PPP1R15B: variants seen among roughly 807,000 people sequenced by gnomAD.
The protein encoded by PPP1R15B is protein phosphatase 1 regulatory subunit 15B.
A neutral mutation model predicts 53.9 loss-of-function variants in PPP1R15B; 31 were observed. The ratio of observed to expected loss-of-function variants is 0.58; its 90% CI spans 0.43 to 0.78. The LOEUF (loss-of-function observed/expected upper bound fraction) is 0.78, where lower values mean the gene tolerates loss of function less well. PPP1R15B is among the 30% of genes least tolerant of loss of function. The probability of loss-of-function intolerance (pLI) is 0.00; values close to 1 mark genes in which losing one functional copy is unlikely to be tolerated. For synonymous variants in PPP1R15B, 345 were observed against 329.1 expected (o/e 1.05, Z -0.52); for missense variants, 928 against 849.6 (o/e 1.09, Z -1.15).
chr1:204,399,298 C>T (rs1199760050), downstream of PPP1R15B, among the ~76,000 whole-genome samples: 1 of 152,168 alleles, frequency 6.6e-6, no homozygotes, highest in Non-Finnish European at 1.5e-5. Flanking sequence ...CGTGGTGGCT[C>T]ACGCCTATAA....
At chr1:204,407,443 GTTTC>G (rs993109302) in intron 1 of PPP1R15B, among the ~76,000 whole-genome samples, 31 of 152,228 alleles carry the variant, frequency 2.0e-4, no homozygotes, top group Non-Finnish European at 4.3e-4. Flanking sequence ...TTCTAATGAA[GTTTC>G]TTTCTAAGAT....
chr1:204,411,227 T>C lies in PPP1R15B; in HGVS notation c.185A>G (p.Tyr62Cys), dbSNP rs751708347. Reference sequence around the variant, plus strand: ...GAGCTGGGAGAGCAGTTTCGTCCAGTAACTGACCCGAGTCTCGGGCTGGGC... The same window carrying C: ...GAGCTGGGAGAGCAGTTTCGTCCAGCAACTGACCCGAGTCTCGGGCTGGGC... Reference protein sequence around the residue: ...SSAQPETRVSYWTKLLSQLLA... With the variant: ...SSAQPETRVSCWTKLLSQLLA... Residue 62 changes from tyrosine (Y) to cysteine (C), a missense_variant, in exon 1 of 2, where the codon TAC (tyrosine) becomes TGC (cysteine). Physicochemically the swap from Tyr to Cys is radical, Grantham distance 194. Coordinates refer to ENST00000367188, the MANE Select transcript of PPP1R15B (RefSeq NM_032833.5). 164 of 1,614,016 alleles carry C rather than the reference T, an allele frequency of 1.0e-4. No homozygotes were observed. The highest frequency in any genetic ancestry group is 8.9e-4 in the South Asian group (81 of 91,090).
At position 204,403,841 on chromosome 1, in the gene PPP1R15B, T is replaced by G; in HGVS notation, c.*2251A>C. ...ACTTTAAAATAGTCCTTTCTGTCCT[T>G]CTTATCACCTTCTGATCACTTCTTC... On this transcript the variant is annotated 3_prime_UTR_variant, in exon 2 of 2. Transcript: ENST00000367188. 1 of 985,836 alleles carries G rather than the reference T, an allele frequency of 1.0e-6. No homozygotes were observed. Among genetic ancestry groups the G allele is most frequent in the Non-Finnish European group, 1.2e-6 (1 of 829,926 alleles). 61.1% of individuals were successfully genotyped at this position (985,836 alleles called of 1,614,324 possible).
chr1:204,400,681 G>A, downstream of PPP1R15B: 1 of 848,088 alleles, frequency 1.2e-6, no homozygotes, highest in Non-Finnish European at 1.4e-6. Context: ...AATGTGCAGT[G>A]AGCTCTGTAG....
At position 204,411,778 on chromosome 1, in the gene PPP1R15B, T is replaced by C. The variant is rs1249752830; in HGVS notation, c.-367A>G. 3 of 259,548 alleles carry C rather than the reference T, an allele frequency of 1.2e-5. No individual in the cohort carries two copies. Among genetic ancestry groups the C allele is most frequent in the African/African-American group, 4.5e-5 (2 of 44,166 alleles). 16.1% of individuals were successfully genotyped at this position (259,548 alleles called of 1,614,324 possible). ...CTGAGCAACGCGATACCGGAAGGAC[T>C]GGGTAGGCCGGCTGGTGCGGTGGAA... On this transcript the variant is annotated 5_prime_UTR_variant, in exon 1 of 2. Transcript: ENST00000367188.
At chr1:204,395,842 A>T (rs1674095350), downstream of PPP1R15B, among the ~76,000 whole-genome samples, 1 of 152,218 alleles carries the variant, frequency 6.6e-6, no homozygotes, top group African/African-American at 2.4e-5. Flanking sequence ...TCAACAGTTC[A>T]TAGAAGCTTT....
rs72752051 is a variant in PPP1R15B at position 204,403,489 on chromosome 1, T to C, written c.*2603A>G. 28,070 of 901,566 alleles carry C rather than the reference T, an allele frequency of 0.031. 492 individuals are homozygous for C. Among genetic ancestry groups the C allele is most frequent in the African/African-American group, 0.062 (3,411 of 55,376 alleles). The allele number at this position is 901,566 out of a possible 1,614,324, so 55.8% of individuals were successfully genotyped here. A position where few individuals can be genotyped will look rare whatever the true frequency, so the allele number is the denominator to read the frequency against. On this transcript the variant is annotated 3_prime_UTR_variant, in exon 2 of 2. Coordinates refer to ENST00000367188, the MANE Select transcript of PPP1R15B (RefSeq NM_032833.5). ...ATCCCAACTAGTTACATTTAAATTATTGATCTGTAGAAGCCAATTTAGAGT... is the reference window on the plus strand; with the variant it reads ...ATCCCAACTAGTTACATTTAAATTACTGATCTGTAGAAGCCAATTTAGAGT...
At position 204,410,210 on chromosome 1, in the gene PPP1R15B, AT is replaced by A; in HGVS notation, c.1201del (p.Ile401Ter). On this transcript the variant is annotated frameshift_variant, in exon 1 of 2. Coordinates refer to ENST00000367188, the MANE Select transcript of PPP1R15B (RefSeq NM_032833.5). LOFTEE classifies it high-confidence loss of function. The part of the protein sequence containing the change: ...PMEKEPGEGR[I>X]SVVDYSYLEG... The stretch of plus-strand genomic sequence containing the variant: ...TAGGTATGAGTAATCAACTACACTT[AT>A]TCGGCCCTCTCCAGGCTCCTTTTCC... 1 of 1,614,130 alleles carries A rather than the reference AT, an allele frequency of 6.2e-7. No homozygotes were observed. Among genetic ancestry groups the A allele is most frequent in the Non-Finnish European group, 8.5e-7 (1 of 1,180,034 alleles).
chr1:204,408,440 T>C (rs878939677), intron 1 of PPP1R15B, among the ~76,000 whole-genome samples: 1 of 152,252 alleles, frequency 6.6e-6, no homozygotes, highest in African/African-American at 2.4e-5. Flanking sequence ...TGAGACATTT[T>C]CTACCCAGGA....
rs1674327076 is a variant in PPP1R15B at position 204,409,730 on chromosome 1, T to C, written c.1682A>G (p.Asn561Ser). ...TAAAGGGTTGTAGGGGTCATCAGAATTACAGAATGAGTTCCACAGTTTGAG... is the reference window on the plus strand; with the variant it reads ...TAAAGGGTTGTAGGGGTCATCAGAACTACAGAATGAGTTCCACAGTTTGAG... ...ESLKLWNSFC[N>S]SDDPYNPLNF... Residue 561 changes from asparagine (N) to serine (S), a missense_variant, in exon 1 of 2, where the codon AAT becomes AGT. Asn to Ser is a conservative substitution (Grantham distance 46). Coordinates refer to ENST00000367188, the MANE Select transcript of PPP1R15B (RefSeq NM_032833.5). 1 of 1,614,128 alleles carries C rather than the reference T, an allele frequency of 6.2e-7. No individual in the cohort carries two copies. Among genetic ancestry groups the C allele is most frequent in the South Asian group, 1.1e-5 (1 of 91,082 alleles).
Position 204,403,700 on chromosome 1 carries a change from A to T in PPP1R15B, c.*2392T>A. The T allele has an allele frequency of 2.0e-6, 2 of 984,790 alleles. No individual in the cohort carries two copies. The highest frequency in any genetic ancestry group is 9.4e-5 in the South Asian group (2 of 21,260). The allele number at this position is 984,790 out of a possible 1,614,324, so 61.0% of individuals were successfully genotyped here. ...GCACCATTAACAAGACTTTAAATGTATAAAATGTTTAATTAAAACCTCCAA... is the reference window on the plus strand; with the variant it reads ...GCACCATTAACAAGACTTTAAATGTTTAAAATGTTTAATTAAAACCTCCAA... On this transcript the variant is annotated 3_prime_UTR_variant, in exon 2 of 2. Coordinates refer to ENST00000367188, the MANE Select transcript of PPP1R15B (RefSeq NM_032833.5).
downstream of PPP1R15B, chr1:204,403,258 G>C (rs935645799): frequency 7.1e-6 from 2 of 282,680 alleles, no homozygotes; most frequent in African/African-American, 2.3e-5. Flanking sequence ...TCATAATACT[G>C]CAAGAACCAA....
In PPP1R15B at chr1:204,404,639, G is replaced by C. The variant is rs1674234775; in HGVS notation, c.*1453C>G. 1 of 985,646 alleles carries C rather than the reference G, an allele frequency of 1.0e-6. No individual in the cohort carries two copies. Among genetic ancestry groups the C allele is most frequent in the South Asian group, 4.7e-5 (1 of 21,280 alleles). The allele number at this position is 985,646 out of a possible 1,614,324, so 61.1% of individuals were successfully genotyped here. ...TGGATAGAAATAAAATAATGACCAG[G>C]TAGATTGTAAACTGAGGTAGTAACC... On this transcript the variant is annotated 3_prime_UTR_variant, in exon 2 of 2. Coordinates refer to ENST00000367188, the MANE Select transcript of PPP1R15B (RefSeq NM_032833.5).
At position 204,404,472 on chromosome 1, in the gene PPP1R15B, G is replaced by A. The variant is rs531715764; in HGVS notation, c.*1620C>T. 11 of 941,510 alleles carry A rather than the reference G, an allele frequency of 1.2e-5. No individual in the cohort carries two copies. The highest frequency in any genetic ancestry group is 1.4e-5 in the Non-Finnish European group (11 of 790,370). 58.3% of individuals were successfully genotyped at this position (941,510 alleles called of 1,614,324 possible). ...TGCACTCCAAGCTGGGGGACCGAACGAGACTCTGTCTCAAAAAAAAAAGAA... is the reference window on the plus strand; with the variant it reads ...TGCACTCCAAGCTGGGGGACCGAACAAGACTCTGTCTCAAAAAAAAAAGAA... On this transcript the variant is annotated 3_prime_UTR_variant, in exon 2 of 2. Transcript: ENST00000367188.
In PPP1R15B at chr1:204,404,075, G is replaced by GT; in HGVS notation, c.*2016dup. 1.0e-6 allele frequency: 1 copy of GT among 985,412 alleles called. No individual in the cohort carries two copies. The highest frequency in any genetic ancestry group is 1.2e-6 in the Non-Finnish European group (1 of 829,924). 61.0% of individuals were successfully genotyped at this position (985,412 alleles called of 1,614,324 possible). ...TCAGCCTGGTTTTAAAAGAATGCCT[G>GT]TATGTTGTCAAAAGGCTTTTTTCAA... On this transcript the variant is annotated 3_prime_UTR_variant, in exon 2 of 2. Transcript: ENST00000367188.
chr1:204,409,375 T>C, intron 1 of PPP1R15B, 117 bp downstream of exon 1: 1 of 1,153,268 alleles, frequency 8.7e-7, no homozygotes, highest in Non-Finnish European at 1.2e-6. Flanking sequence ...AGTATATGAA[T>C]TTAGAGGCCT....
At chr1:204,397,645 ACAT>A (rs1451707039), downstream of PPP1R15B, among the ~76,000 whole-genome samples, 1 of 152,246 alleles carries the variant, frequency 6.6e-6, no homozygotes, top group Admixed American at 6.5e-5. Flanking sequence ...ATATTTCAAA[ACAT>A]CATGTTGTAG....
Position 204,404,464 on chromosome 1 carries a change from G to T in PPP1R15B, c.*1628C>A, listed in dbSNP as rs1053864624. ...CGCGCCACTGCACTCCAAGCTGGGG[G>T]ACCGAACGAGACTCTGTCTCAAAAA... On this transcript the variant is annotated 3_prime_UTR_variant, in exon 2 of 2. Transcript: ENST00000367188. 2.2e-6 allele frequency: 2 copies of T among 895,490 alleles called. No homozygotes were observed. Among genetic ancestry groups the T allele is most frequent in the African/African-American group, 1.8e-5 (1 of 55,136 alleles). 55.5% of individuals were successfully genotyped at this position (895,490 alleles called of 1,614,324 possible). A position where few individuals can be genotyped will look rare whatever the true frequency, so the allele number is the denominator to read the frequency against.
chr1:204,402,975 G>C (rs1201171798), downstream of PPP1R15B, among the ~76,000 whole-genome samples: 2 of 152,110 alleles, frequency 1.3e-5, no homozygotes. Context: ...GGGAGGCTGA[G>C]GCAGGAGAAT....
Sources: gnomAD v4.1 joint callset for allele counts (sites outside exome capture counted in the v4.1 genomes callset) on GRCh38, gnomAD v4.1.1 for gene constraint, MANE v1.5 for transcripts, NCBI Gene and HGNC (gene_info 2026-07-23, HGNC 2026-07-21) for gene names.